Variants in JPH1 observed in about 807,000 individuals in gnomAD.
The protein encoded by JPH1 is junctophilin-1.
A neutral mutation model predicts 53.6 loss-of-function variants in JPH1; 12 were observed. The ratio of observed to expected loss-of-function variants is 0.22; its 90% CI spans 0.14 to 0.36. The LOEUF is 0.36. Ranked by LOEUF, JPH1 falls within the 10% of genes least tolerant of loss-of-function variation. JPH1 has a pLI of 1.00. For synonymous variants in JPH1, 375 were observed against 363.8 expected (o/e 1.03, Z -0.35); for missense variants, 808 against 905.5 (o/e 0.89, Z 1.38).
intron 3 of JPH1, among the ~76,000 whole-genome samples, chr8:74,249,868 C>A (rs929643787): frequency 6.6e-6 from 1 of 151,998 alleles, no homozygotes; most frequent in African/African-American, 2.4e-5. Context: ...GTGCTAAAGA[C>A]TTCACTCTAA....
chr8:74,313,722 T>G (rs536833179), intron 2 of JPH1, among the ~76,000 whole-genome samples: 31 of 152,282 alleles, frequency 2.0e-4, no homozygotes, highest in African/African-American at 7.5e-4. Flanking sequence ...TGCTAACATT[T>G]TGTGGTTTCA....
Position 74,320,368 on chromosome 8 carries a change from G to C in JPH1, c.379+541C>G, listed in dbSNP as rs1808278671. On this transcript the variant is annotated intron_variant, in intron 1 of 5. Transcript: ENST00000342232. This position sits in a 1 kb window ranked among gnomAD's most constrained non-coding sequence, Gnocchi z 4.4. ...TAAGGTACAATTCCCCAACATCCTA[G>C]TTACGGGGTTCTGGCTTCTATCTTT... Among the ~76,000 whole-genome samples, 1 of 152,146 alleles carries C rather than the reference G, an allele frequency of 6.6e-6. No homozygotes were observed. The highest frequency in any genetic ancestry group is 2.1e-4 in the South Asian group (1 of 4,822).
intron 2 of JPH1, among the ~76,000 whole-genome samples, chr8:74,303,167 C>CA (rs1334853125): frequency 6.6e-6 from 1 of 152,158 alleles, no homozygotes; most frequent in Non-Finnish European, 1.5e-5. Flanking sequence ...GTATTACATA[C>CA]AAGGATTTCC....
chr8:74,321,503 T>C lies in JPH1; in HGVS notation c.-216A>G, dbSNP rs1363664093. 2.2e-6 allele frequency: 1 copy of C among 461,452 alleles called. No homozygotes were observed. The highest frequency in any genetic ancestry group is 3.7e-6 in the Non-Finnish European group (1 of 272,960). The allele number at this position is 461,452 out of a possible 1,614,324, so 28.6% of individuals were successfully genotyped here. ...GCCTTCCTCCTCCTCCTCCTCCTCC[T>C]TCGCCGCCGCCGCCTGGGCCAGCGC... On this transcript the variant is annotated 5_prime_UTR_variant, in exon 1 of 6. Coordinates refer to ENST00000342232, the MANE Select transcript of JPH1 (RefSeq NM_020647.4). The surrounding 1 kb of genome is among the most constrained non-coding windows in gnomAD (Gnocchi z 4.3).
intron 2 of JPH1, among the ~76,000 whole-genome samples, chr8:74,266,506 G>A (rs565523448): frequency 1.3e-5 from 2 of 152,312 alleles, no homozygotes; most frequent in Admixed American, 6.5e-5. Context: ...TTCAGAGACA[G>A]AAAGTAGAAC....
chr8:74,315,177 C>T lies in JPH1; in HGVS notation c.823G>A (p.Ala275Thr). Residue 275 changes from alanine to threonine, a missense_variant, in exon 2 of 6, where the codon GCC becomes ACC. Around this residue, in one of 2 missense-constraint regions of JPH1, gnomAD observed 756 missense variants for 811.9 expected, o/e 0.93. Coordinates refer to ENST00000342232, the MANE Select transcript of JPH1 (RefSeq NM_020647.4). The surrounding 1 kb of genome is among the most constrained non-coding windows in gnomAD (Gnocchi z 6.3). ...DFCPVEDHVD[A>T]TTTETYMGEW... ...CCCATGTAGGTTTCCGTGGTGGTGG[C>T]GTCCACGTGGTCTTCCACCGGGCAA... 1.9e-6 allele frequency: 3 copies of T among 1,614,190 alleles called. No homozygotes were observed. Among genetic ancestry groups the T allele is most frequent in the East Asian group, 2.2e-5 (1 of 44,886 alleles).
intron 2 of JPH1, 23 bp from the exon 3 acceptor site, chr8:74,259,526 A>AG (rs1806332794): frequency 6.6e-7 from 1 of 1,505,968 alleles, no homozygotes; most frequent in Non-Finnish European, 9.0e-7. Context: ...CAAAAGGACG[A>AG]GTCAGCATAG....
intron 2 of JPH1, among the ~76,000 whole-genome samples, chr8:74,293,404 A>G (rs962510090): frequency 6.6e-6 from 1 of 152,178 alleles, no homozygotes; most frequent in African/African-American, 2.4e-5. Context: ...CAATTCATTA[A>G]GCACTCATTC....
chr8:74,276,330 A>C (rs1806847482), intron 2 of JPH1, among the ~76,000 whole-genome samples: 1 of 152,182 alleles, frequency 6.6e-6, no homozygotes, highest in Non-Finnish European at 1.5e-5. Flanking sequence ...GAGGCTGTGA[A>C]GGCAGGAGCA....
At chr8:74,279,229 C>T (rs1806940016) in intron 2 of JPH1, among the ~76,000 whole-genome samples, 1 of 152,208 alleles carries the variant, frequency 6.6e-6, no homozygotes, top group African/African-American at 2.4e-5. Context: ...CTTAGCTCAA[C>T]TTTGTTCAAC....
In JPH1 at chr8:74,314,901, C is replaced by T. The variant is rs887175396; in HGVS notation, c.1099G>A (p.Ala367Thr). 6.2e-7 allele frequency: 1 copy of T among 1,614,250 alleles called. No individual in the cohort carries two copies. The highest frequency in any genetic ancestry group is 8.5e-7 in the Non-Finnish European group (1 of 1,180,048). ...TCCACTTTGGTTCTGGCCATGGCAG[C>T]TGCCCTTTGGGCGCCTTCAATTGCT... is the stretch of plus-strand genomic sequence containing the variant. ...DRAIEGAQRA[A>T]AMARTKVEIA... Residue 367 changes from alanine to threonine, a missense_variant, in exon 2 of 6, where the codon GCT becomes ACT. This residue lies in a region of JPH1 where 756 missense variants were observed against 811.9 expected (regional missense o/e 0.93). Transcript: ENST00000342232.
In JPH1 at chr8:74,321,481, TTCCTCCTCC is replaced by T. The variant is rs373541776; in HGVS notation, c.-203_-195del. ...CTCTTTTGCCGCCGCCACCGCCGCC[TTCCTCCTCC>T]TCCTCCTCCTCCTTCGCCGCCGCCG... is the stretch of plus-strand genomic sequence containing the variant. On this transcript the variant is annotated 5_prime_UTR_variant, in exon 1 of 6. Coordinates refer to ENST00000342232, the MANE Select transcript of JPH1 (RefSeq NM_020647.4). The surrounding 1 kb of genome is among the most constrained non-coding windows in gnomAD (Gnocchi z 4.3). The T allele has an allele frequency of 4.0e-6, 2 of 499,498 alleles. No homozygotes were observed. The highest frequency in any genetic ancestry group is 4.2e-5 in the South Asian group (1 of 23,544). The allele number at this position is 499,498 out of a possible 1,614,324, so 30.9% of individuals were successfully genotyped here. A position where few individuals can be genotyped will look rare whatever the true frequency, so the allele number is the denominator to read the frequency against.
At chr8:74,317,103 C>G (rs1339843971) in intron 1 of JPH1, among the ~76,000 whole-genome samples, 1 of 152,168 alleles carries the variant, frequency 6.6e-6, no homozygotes, top group Non-Finnish European at 1.5e-5. Flanking sequence ...TATTCATTTT[C>G]AAAACACCGG....
intron 2 of JPH1, among the ~76,000 whole-genome samples, chr8:74,312,165 T>C (rs1212582105): frequency 6.6e-6 from 1 of 152,256 alleles, no homozygotes; most frequent in Non-Finnish European, 1.5e-5. Flanking sequence ...AATATATTTA[T>C]TTTTAATTTG....
chr8:74,306,737 C>CCTGTAAT (rs1807846574), intron 2 of JPH1, among the ~76,000 whole-genome samples: 1 of 151,904 alleles, frequency 6.6e-6, no homozygotes, highest in African/African-American at 2.4e-5. Context: ...GCTGGGATTA[C>CCTGTAAT]AGGTGCCCGC....
chr8:74,251,960 C>G (rs200374582), intron 3 of JPH1, among the ~76,000 whole-genome samples: 46 of 151,984 alleles, frequency 3.0e-4, no homozygotes, highest in Non-Finnish European at 5.1e-4. Flanking sequence ...CATGGTACTG[C>G]TACCAAAACA....
chr8:74,264,749 G>A (rs990510813), intron 2 of JPH1, among the ~76,000 whole-genome samples: 12 of 152,142 alleles, frequency 7.9e-5, no homozygotes, highest in African/African-American at 2.4e-4. Flanking sequence ...CCACAGATTC[G>A]TAGGGAGAGG....
chr8:74,292,647 G>GT (rs1807368107), intron 2 of JPH1, among the ~76,000 whole-genome samples: 1 of 116,570 alleles, frequency 8.6e-6, no homozygotes, highest in East Asian at 2.5e-4. Context: ...TCACACTGCT[G>GT]TTAAAAAACA....
chr8:74,240,794 G>A (rs1386776768), intron 4 of JPH1, among the ~76,000 whole-genome samples: 1 of 152,172 alleles, frequency 6.6e-6, no homozygotes, highest in Non-Finnish European at 1.5e-5. Flanking sequence ...AGCAGAGAAC[G>A]TGCCTTCCAT....
Sources: allele counts gnomAD v4.1 joint callset (sites outside exome capture counted in the v4.1 genomes callset), GRCh38; gene constraint gnomAD v4.1.1; regional missense constraint gnomAD v4.1.1; non-coding constraint Gnocchi (gnomAD v3.1); transcripts MANE v1.5; gene names NCBI Gene and HGNC (gene_info 2026-07-23, HGNC 2026-07-21).